ATG2B: variants seen among roughly 807,000 people sequenced by gnomAD.
ATG2B encodes autophagy-related protein 2 homolog B.
A neutral mutation model predicts 241.3 loss-of-function variants in ATG2B; 121 were observed. The ratio of observed to expected loss-of-function variants is 0.50; its 90% CI spans 0.43 to 0.58. The LOEUF (loss-of-function observed/expected upper bound fraction) is 0.58, where lower values mean the gene tolerates loss of function less well. ATG2B is among the 20% of genes least tolerant of loss of function. ATG2B has a pLI of 0.00. For missense variants in ATG2B, 2,306 were observed against 2,491.6 expected, an observed-to-expected ratio of 0.93 and a Z score of 1.59; for synonymous variants, 858 against 876.6, an observed-to-expected ratio of 0.98 and a Z score of 0.37.
Position 96,323,907 on chromosome 14 carries a change from A to G in ATG2B, c.2529T>C (p.Phe843=), listed in dbSNP as rs1205074740. 6.2e-7 allele frequency: 1 copy of G among 1,607,636 alleles called. No homozygotes were observed. The part of the protein sequence containing the change: ...VDGDTTSSDD[F]DWPRIVLKIN... ...ATTTGCTTACTCACCGTGGCCAGTC[A>G]AAGTCATCTGACGATGTTGTATCTC... Residue 843 remains phenylalanine, a synonymous_variant, in exon 16 of 42, where the codon TTT becomes TTC. Transcript: ENST00000359933.
chr14:96,339,810 C>T (rs942188240), intron 6 of ATG2B, among the ~76,000 whole-genome samples: 6 of 151,718 alleles, frequency 4.0e-5, no homozygotes, highest in African/African-American at 1.5e-4. Context: ...ACTAAAATCT[C>T]AGAATTTACC....
chr14:96,350,007 T>C (rs940656066), intron 1 of ATG2B, among the ~76,000 whole-genome samples: 3 of 151,994 alleles, frequency 2.0e-5, no homozygotes, highest in Non-Finnish European at 4.4e-5. Context: ...AATTCAAAAA[T>C]TAACCAGGTG....
intron 18 of ATG2B, among the ~76,000 whole-genome samples, chr14:96,321,183 G>T (rs775827051): frequency 1.3e-4 from 19 of 151,874 alleles, no homozygotes; most frequent in Non-Finnish European, 1.3e-4. Flanking sequence ...GAAAACCCAG[G>T]GTTTATTACT....
chr14:96,305,270 C>G (rs1479023919), intron 31 of ATG2B, among the ~76,000 whole-genome samples: 2 of 152,088 alleles, frequency 1.3e-5, no homozygotes, highest in African/African-American at 2.4e-5. Flanking sequence ...GTTTCACTGC[C>G]CTCTGTCACT....
intron 8 of ATG2B, 81 bp from the exon 9 acceptor site, chr14:96,332,736 A>G (rs1887774656): frequency 8.7e-7 from 1 of 1,148,334 alleles, no homozygotes; most frequent in East Asian, 2.6e-5. Flanking sequence ...ACGTTAATAC[A>G]ATCCTCTTCC....
At chr14:96,309,632 G>A in intron 28 of ATG2B, 38 bp from the exon 29 acceptor site, 1 of 1,569,058 alleles carries the variant, frequency 6.4e-7, no homozygotes, top group Non-Finnish European at 8.7e-7. Flanking sequence ...AACTGAAAAT[G>A]CTCTTAAAAA....
At position 96,306,781 on chromosome 14, in the gene ATG2B, G is replaced by C. The variant is rs1259059155; in HGVS notation, c.4439C>G (p.Ala1480Gly). 4 of 1,613,906 alleles carry C rather than the reference G, an allele frequency of 2.5e-6. No individual in the cohort carries two copies. The highest frequency in any genetic ancestry group is 2.2e-5 in the South Asian group (2 of 91,078). ...ATTCTCAGTGGGCACACCTGTCATT[G>C]CATCACTGATGAAATGGTGAGAGAA... ...ASFSHHFISD[A>G]MTGVPTENDD... is the part of the protein sequence containing the mutation. Residue 1480 changes from alanine to glycine, a missense_variant, in exon 30 of 42, where the codon GCA becomes GGA. Physicochemically the swap from Ala to Gly is moderately conservative, Grantham distance 60. Transcript: ENST00000359933.
In ATG2B at chr14:96,290,089, A is replaced by G. The variant is rs1056783226; in HGVS notation, c.5857-284T>C. On this transcript the variant is annotated intron_variant, in intron 40 of 41. Coordinates refer to ENST00000359933, the MANE Select transcript of ATG2B (RefSeq NM_018036.7). The surrounding 1 kb of genome is among the most constrained non-coding windows in gnomAD (Gnocchi z 4.4). ...TTTCCACATCAGTCTATGGAGCTTAATACTTACTAGAATGATCTTTAATAC... is the reference window on the plus strand; with the variant it reads ...TTTCCACATCAGTCTATGGAGCTTAGTACTTACTAGAATGATCTTTAATAC... 276 of 1,222,082 alleles carry G rather than the reference A, an allele frequency of 2.3e-4. No homozygotes were observed. Among genetic ancestry groups the G allele is most frequent in the South Asian group, 5.1e-4 (24 of 46,974 alleles). The allele number at this position is 1,222,082 out of a possible 1,614,324, so 75.7% of individuals were successfully genotyped here. A position where few individuals can be genotyped will look rare whatever the true frequency, so the allele number is the denominator to read the frequency against.
At chr14:96,344,467 C>G (rs946868941) in intron 4 of ATG2B, among the ~76,000 whole-genome samples, 187 bp downstream of exon 4, 4 of 152,164 alleles carry the variant, frequency 2.6e-5, no homozygotes, top group Non-Finnish European at 5.9e-5. Flanking sequence ...TATACCCCAA[C>G]TGGCACTTTC....
chr14:96,286,108 A>C, intron 41 of ATG2B, 123 bp from the exon 42 acceptor site: 1 of 662,186 alleles, frequency 1.5e-6, no homozygotes, highest in Non-Finnish European at 2.5e-6. Flanking sequence ...AACCAGACAA[A>C]AAAAAATGCC....
chr14:96,351,958 CTGTTT>C (rs1219415852), intron 1 of ATG2B, among the ~76,000 whole-genome samples: 1 of 150,636 alleles, frequency 6.6e-6, no homozygotes, highest in Non-Finnish European at 1.5e-5. Context: ...TAAATTTATA[CTGTTT>C]TGATCAACTA....
At chr14:96,305,869 A>T in intron 30 of ATG2B, 54 bp from the exon 31 acceptor site, 3 of 1,375,940 alleles carry the variant, frequency 2.2e-6, no homozygotes. Context: ...GAAACAACTG[A>T]TTATGCTGCA....
In ATG2B at chr14:96,294,956, T is replaced by C. The variant is rs780553250; in HGVS notation, c.5426+4A>G. On this transcript the variant is annotated splice_donor_region_variant and intron_variant, in intron 36 of 41. Transcript: ENST00000359933. ...TCATTTGTTATTAAAACTAAATTAG[T>C]TACCTAAAAAACACAGGCTGATCCC... 6.2e-7 allele frequency: 1 copy of C among 1,612,696 alleles called. No homozygotes were observed. Among genetic ancestry groups the C allele is most frequent in the Admixed American group, 1.7e-5 (1 of 59,830 alleles).
intron 25 of ATG2B, 132 bp downstream of exon 25, chr14:96,312,933 G>C (rs572451548): frequency 4.2e-6 from 2 of 479,312 alleles, no homozygotes; most frequent in Admixed American, 4.0e-5. Flanking sequence ...GGTAATTTGG[G>C]TAAAAGGTTA....
chr14:96,308,640 A>C (rs1447791283), intron 29 of ATG2B, among the ~76,000 whole-genome samples: 1 of 151,808 alleles, frequency 6.6e-6, no homozygotes, highest in Non-Finnish European at 1.5e-5. Flanking sequence ...TAGTACATAG[A>C]ACACTAAAAG....
At chr14:96,297,814 G>A (rs554503726) in intron 34 of ATG2B, among the ~76,000 whole-genome samples, 2 of 151,702 alleles carry the variant, frequency 1.3e-5, no homozygotes, top group African/African-American at 2.4e-5. Flanking sequence ...TTTTACAGAT[G>A]GGGGTCTCGC....
chr14:96,315,526 G>A lies in ATG2B; in HGVS notation c.3419C>T (p.Pro1140Leu), dbSNP rs1887285146. 6.2e-7 allele frequency: 1 copy of A among 1,614,030 alleles called. No homozygotes were observed. Among genetic ancestry groups the A allele is most frequent in the East Asian group, 2.2e-5 (1 of 44,886 alleles). Residue 1140 changes from proline to leucine, a missense_variant, in exon 22 of 42, where the codon CCA (proline) becomes CTA (leucine). Around this residue, in one of 2 missense-constraint regions of ATG2B, gnomAD observed 1,927 missense variants for 2,011.2 expected, o/e 0.96. Transcript: ENST00000359933. The stretch of plus-strand genomic sequence containing the variant: ...ATAAATAGTAGGTTCCAACCAGTGT[G>A]GGCGGGTTGAGCTGGGAAGTCGTGT... ...TETRLPSSTR[P>L]HWLEPTIYSS...
At position 96,289,983 on chromosome 14, in the gene ATG2B, C is replaced by G. The variant is rs144845407; in HGVS notation, c.5857-178G>C. 2.1e-6 allele frequency: 1 copy of G among 465,398 alleles called. No homozygotes were observed. The highest frequency in any genetic ancestry group is 1.5e-4 in the East Asian group (1 of 6,454). The allele number at this position is 465,398 out of a possible 1,614,324, so 28.8% of individuals were successfully genotyped here. On this transcript the variant is annotated intron_variant, in intron 40 of 41. Transcript: ENST00000359933. This position sits in a 1 kb window ranked among gnomAD's most constrained non-coding sequence, Gnocchi z 4.3. Reference sequence around the variant, plus strand: ...GAATTGATGACTTTTATAACGAGAACATAAAAGTATAAATTAATAACTAAC... The same window carrying G: ...GAATTGATGACTTTTATAACGAGAAGATAAAAGTATAAATTAATAACTAAC...
Position 96,315,384 on chromosome 14 carries a change from C to T in ATG2B, c.3561G>A (p.Lys1187=), listed in dbSNP as rs1887279597. ...TGGCATAAAAGTACAAAACACAAAC[C>T]TTTGTATTGGACTCTGATTTATCAG... ...ILSDKSESNT[K]EFLIAVGLKG... is the part of the protein sequence containing the mutation. Residue 1187 remains lysine, a splice_region_variant and synonymous_variant, in exon 22 of 42, where the codon AAG becomes AAA. Coordinates refer to ENST00000359933, the MANE Select transcript of ATG2B (RefSeq NM_018036.7). 1.2e-6 allele frequency: 2 copies of T among 1,613,508 alleles called. No individual in the cohort carries two copies. Among genetic ancestry groups the T allele is most frequent in the Non-Finnish European group, 8.5e-7 (1 of 1,179,460 alleles).
Sources: allele counts gnomAD v4.1 joint callset (sites outside exome capture counted in the v4.1 genomes callset), GRCh38; gene constraint gnomAD v4.1.1; regional missense constraint gnomAD v4.1.1; non-coding constraint Gnocchi (gnomAD v3.1); transcripts MANE v1.5; gene names NCBI Gene and HGNC (gene_info 2026-07-23, HGNC 2026-07-21).